The following STK3 variants were observed in gnomAD, a reference collection of about 807,000 sequenced individuals.
The protein encoded by STK3 is serine/threonine-protein kinase 3.
Under a neutral mutation model 58.0 loss-of-function variants are expected in STK3, and 41 were observed. The ratio of observed to expected loss-of-function variants is 0.71; its 90% confidence interval spans 0.55 to 0.92. STK3 has a LOEUF of 0.92. Ranked by LOEUF, STK3 falls within the 40% of genes least tolerant of loss-of-function variation. The pLI, the probability that STK3 is intolerant of heterozygous loss-of-function variation, is 0.00. For synonymous variants in STK3, 170 were observed against 191.0 expected (o/e 0.89, Z 0.91); for missense variants, 479 against 602.7 (o/e 0.79, Z 2.15).
chr8:98,940,440 G>T (rs1840367677), intron 1 of STK3, among the ~76,000 whole-genome samples: 1 of 152,166 alleles, frequency 6.6e-6, no homozygotes, highest in South Asian at 2.1e-4. Flanking sequence ...CTTGCCCTGA[G>T]ACCCCGTGCT....
At chr8:98,579,051 T>C (rs915006369) in intron 8 of STK3, among the ~76,000 whole-genome samples, 2 of 152,066 alleles carry the variant, frequency 1.3e-5, no homozygotes, top group Admixed American at 6.6e-5. Flanking sequence ...CTCATGAGGC[T>C]GAGGCAGGAG....
At chr8:98,377,997 G>A (rs1471310593) in intron 2 of STK3, among the ~76,000 whole-genome samples, 1 of 152,164 alleles carries the variant, frequency 6.6e-6, no homozygotes, top group Non-Finnish European at 1.5e-5. Flanking sequence ...CAGGTGCCCA[G>A]TTGACTTCAA....
At chr8:98,446,437 G>C (rs1347024361) in intron 1 of STK3, among the ~76,000 whole-genome samples, 1 of 152,192 alleles carries the variant, frequency 6.6e-6, no homozygotes, top group African/African-American at 2.4e-5. Context: ...GTGCCAGGTA[G>C]TGTTTGAAGG....
Position 98,577,572 on chromosome 8 carries a change from T to C in STK3, c.948+2092A>G, listed in dbSNP as rs925201092. Among the ~76,000 whole-genome samples, 7 of 152,244 alleles carry C rather than the reference T, an allele frequency of 4.6e-5. No individual in the cohort carries two copies. In the South Asian group the frequency reaches 1.5e-3, roughly 32 times the overall value. ...CCTGAGACTACAACATAAAAGACAG[T>C]GAGAGGTCCTCTTTGTTCTCTCTCT... On this transcript the variant is annotated intron_variant, in intron 8 of 10. Coordinates refer to ENST00000419617, the MANE Select transcript of STK3 (RefSeq NM_006281.4).
intron 1 of STK3, chr8:98,778,744 G>A (rs1367009798): frequency 6.6e-6 from 1 of 152,070 alleles, no homozygotes; most frequent in Non-Finnish European, 1.5e-5. Context: ...CATGGATGAA[G>A]CTGGAAACCA....
chr8:98,528,865 C>A lies in STK3; in HGVS notation c.1142-1948G>T, dbSNP rs116598567. 5.7e-3 allele frequency among the ~76,000 whole-genome samples: 866 copies of A among 152,282 alleles called. 5 individuals are homozygous for A. Among genetic ancestry groups the A allele is most frequent in the African/African-American group, 0.02 (822 of 41,562 alleles). On this transcript the variant is annotated intron_variant, in intron 9 of 10. Transcript: ENST00000419617. ...ATAAATTACTCTTTCGTATAATTGT[C>A]CCTCAAATATCTGAAGACAGAGGTA...
chr8:98,426,843 G>A (rs976517303), intron 3 of STK3, among the ~76,000 whole-genome samples: 14 of 152,072 alleles, frequency 9.2e-5, no homozygotes, highest in African/African-American at 3.4e-4. Context: ...GCCGAGCCGG[G>A]GGCGCAAGGT....
intron 1 of STK3, among the ~76,000 whole-genome samples, chr8:98,809,556 T>A (rs1237195299): frequency 6.6e-6 from 1 of 152,230 alleles, no homozygotes; most frequent in African/African-American, 2.4e-5. Context: ...TCTGTTTCTA[T>A]GACTTTGACT....
intron 1 of STK3, among the ~76,000 whole-genome samples, chr8:98,894,230 C>T (rs1274426266): frequency 6.6e-6 from 1 of 152,180 alleles, no homozygotes; most frequent in Non-Finnish European, 1.5e-5. Context: ...TCCACCTTGA[C>T]CTCATAAACA....
intron 4 of STK3, among the ~76,000 whole-genome samples, chr8:98,733,985 G>T (rs1036770807): frequency 2.0e-5 from 3 of 152,156 alleles, no homozygotes; most frequent in African/African-American, 7.2e-5. Flanking sequence ...GGAGGCCATG[G>T]AGACTCACAA....
At chr8:98,477,522 C>A (rs1263631344) in intron 10 of STK3, among the ~76,000 whole-genome samples, 2 of 151,902 alleles carry the variant, frequency 1.3e-5, no homozygotes, top group African/African-American at 4.8e-5. Flanking sequence ...TTCTCCTCTG[C>A]AAATCCCACT....
chr8:98,759,034 A>G (rs1158759256), intron 3 of STK3, among the ~76,000 whole-genome samples: 2 of 152,216 alleles, frequency 1.3e-5, no homozygotes, highest in African/African-American at 2.4e-5. Context: ...AACTGTCTCC[A>G]TATCAGCAAT....
chr8:98,871,595 A>T (rs1459792324), intron 3 of STK3, among the ~76,000 whole-genome samples: 1 of 151,872 alleles, frequency 6.6e-6, no homozygotes, highest in Non-Finnish European at 1.5e-5. Flanking sequence ...ATTTATTCTC[A>T]TTGAAGCAAT....
At chr8:98,450,634 A>T (rs1819156720), downstream of STK3, among the ~76,000 whole-genome samples, 1 of 152,346 alleles carries the variant, frequency 6.6e-6, no homozygotes, top group East Asian at 1.9e-4. Context: ...ATCATTTACA[A>T]CAAAACATAG....
chr8:98,589,310 T>C (rs1198181276), intron 7 of STK3, among the ~76,000 whole-genome samples: 1 of 152,208 alleles, frequency 6.6e-6, no homozygotes, highest in Non-Finnish European at 1.5e-5. Context: ...TAGTTTTCCT[T>C]CTAACAGACA....
intron 10 of STK3, among the ~76,000 whole-genome samples, chr8:98,489,660 C>T (rs1822543423): frequency 6.6e-6 from 1 of 152,006 alleles, no homozygotes; most frequent in Admixed American, 6.6e-5. Flanking sequence ...GTACCAACAC[C>T]AAGATTCCAC....
intron 1 of STK3, among the ~76,000 whole-genome samples, chr8:98,914,615 T>C (rs1839276819): frequency 6.6e-6 from 1 of 152,212 alleles, no homozygotes; most frequent in Non-Finnish European, 1.5e-5. Flanking sequence ...ATGTTAATTG[T>C]ACTGGATTGT....
intron 2 of STK3, among the ~76,000 whole-genome samples, chr8:98,774,464 G>GT (rs1053187030): frequency 1.3e-5 from 2 of 152,122 alleles, no homozygotes; most frequent in African/African-American, 4.8e-5. Context: ...TAAGAATGCC[G>GT]TAAGGGATGA....
chr8:98,344,915 A>G, the STK3 span, among the ~76,000 whole-genome samples: 79 of 150,178 alleles, frequency 5.3e-4, 4 homozygotes, highest in Middle Eastern at 3.4e-3. Flanking sequence ...AAAAAAAAAA[A>G]AAAGAAAATA....
Sources: allele counts gnomAD v4.1 joint callset (sites outside exome capture counted in the v4.1 genomes callset), GRCh38; gene constraint gnomAD v4.1.1; transcripts MANE v1.5; gene names NCBI Gene and HGNC (gene_info 2026-07-23, HGNC 2026-07-21).